ROR1: variants seen among roughly 807,000 people sequenced by gnomAD.
ROR1 encodes the protein inactive tyrosine-protein kinase transmembrane receptor ROR1.
Under a neutral mutation model 78.8 loss-of-function variants are expected in ROR1, and 19 were observed. That is an observed-to-expected ratio of 0.24 (90% CI 0.17 to 0.35). The LOEUF (loss-of-function observed/expected upper bound fraction) is 0.35. ROR1 is among the 10% of genes least tolerant of loss of function. ROR1 has a pLI of 1.00. For synonymous variants in ROR1, 386 were observed against 433.6 expected (o/e 0.89, Z 1.36); for missense variants, 917 against 1,177.8 (o/e 0.78, Z 3.24).
At chr1:64,147,278 A>C (rs557232385) in intron 7 of ROR1, among the ~76,000 whole-genome samples, 1 of 152,334 alleles carries the variant, frequency 6.6e-6, no homozygotes, top group South Asian at 2.1e-4. Context: ...AATCCTGAGG[A>C]CTGGTTAATA....
chr1:64,172,898 A>G (rs555531632), intron 8 of ROR1, among the ~76,000 whole-genome samples: 6 of 152,350 alleles, frequency 3.9e-5, no homozygotes, highest in African/African-American at 1.4e-4. Flanking sequence ...AAACAAGTTT[A>G]GCCTAAAGGG....
chr1:63,916,209 A>C (rs1645608368), intron 1 of ROR1, among the ~76,000 whole-genome samples: 1 of 152,204 alleles, frequency 6.6e-6, no homozygotes, highest in Non-Finnish European at 1.5e-5. Context: ...CTTCGCATGA[A>C]CAATAACTGC....
intron 4 of ROR1, among the ~76,000 whole-genome samples, chr1:64,126,508 G>C (rs72916947): frequency 0.021 from 3,254 of 152,194 alleles, 113 homozygotes; most frequent in African/African-American, 0.074. Flanking sequence ...GGGATATTTT[G>C]AGAGCTTACA....
intron 7 of ROR1, among the ~76,000 whole-genome samples, chr1:64,155,793 A>G (rs1569862966): frequency 6.6e-6 from 1 of 152,324 alleles, no homozygotes; most frequent in Non-Finnish European, 1.5e-5. Context: ...AAATGATTTC[A>G]CTGAAAAACC....
At chr1:64,050,843 C>T in intron 4 of ROR1, 127 bp downstream of exon 4, 2 of 894,156 alleles carry the variant, frequency 2.2e-6, no homozygotes, top group Non-Finnish European at 1.9e-6. Flanking sequence ...TTTTGCCCTG[C>T]CCTCATTCCA....
At chr1:64,120,696 C>T (rs551650200) in intron 4 of ROR1, among the ~76,000 whole-genome samples, 1 of 152,152 alleles carries the variant, frequency 6.6e-6, no homozygotes, top group Non-Finnish European at 1.5e-5. Context: ...AACACTCACT[C>T]TCCTCCACCC....
At chr1:63,811,887 C>G (rs905682573) in intron 1 of ROR1, among the ~76,000 whole-genome samples, 2 of 150,924 alleles carry the variant, frequency 1.3e-5, no homozygotes, top group Non-Finnish European at 2.9e-5. Flanking sequence ...ACTTTGGGCT[C>G]TATGTCCTTA....
At chr1:64,022,184 G>T (rs1253382132) in intron 2 of ROR1, among the ~76,000 whole-genome samples, 1 of 152,218 alleles carries the variant, frequency 6.6e-6, no homozygotes, top group Non-Finnish European at 1.5e-5. Context: ...GAAATATTCA[G>T]AAGAGGTAAA....
chr1:63,919,865 T>A (rs545696383), intron 1 of ROR1, among the ~76,000 whole-genome samples: 12 of 152,318 alleles, frequency 7.9e-5, no homozygotes, highest in Non-Finnish European at 1.8e-4. Flanking sequence ...TGCCTTCTTA[T>A]GATCTGATAG....
At chr1:63,885,849 G>C (rs1192209769) in intron 1 of ROR1, among the ~76,000 whole-genome samples, 1 of 152,150 alleles carries the variant, frequency 6.6e-6, no homozygotes, top group Non-Finnish European at 1.5e-5. Flanking sequence ...ATGAAAGGTA[G>C]TTCTTCCACA....
chr1:64,120,384 T>C (rs1648487069), intron 4 of ROR1, among the ~76,000 whole-genome samples: 1 of 152,190 alleles, frequency 6.6e-6, no homozygotes, highest in Non-Finnish European at 1.5e-5. Flanking sequence ...TTTTAAGAGC[T>C]ACATTTTAAA....
intron 1 of ROR1, among the ~76,000 whole-genome samples, chr1:63,807,845 C>T (rs538316874): frequency 7.9e-5 from 12 of 152,176 alleles, no homozygotes; most frequent in African/African-American, 2.4e-4. Context: ...TACAAAGATG[C>T]GTGGACACTT....
At chr1:63,967,638 G>A (rs1022121307) in intron 1 of ROR1, among the ~76,000 whole-genome samples, 1 of 152,234 alleles carries the variant, frequency 6.6e-6, no homozygotes, top group Non-Finnish European at 1.5e-5. Flanking sequence ...AAGATGTTCC[G>A]TTGGCACTGA....
At chr1:63,975,186 T>C (rs1026450178) in intron 1 of ROR1, among the ~76,000 whole-genome samples, 1 of 152,138 alleles carries the variant, frequency 6.6e-6, no homozygotes, top group African/African-American at 2.4e-5. Flanking sequence ...TAAAACCAAA[T>C]GGCTGGCAGA....
At chr1:64,050,207 C>T (rs1048500867) in intron 3 of ROR1, among the ~76,000 whole-genome samples, 5 of 152,182 alleles carry the variant, frequency 3.3e-5, no homozygotes, top group African/African-American at 1.2e-4. Context: ...GAATGAGGTC[C>T]GGATCTTTCT....
At chr1:63,924,848 G>T (rs1645686306) in intron 1 of ROR1, among the ~76,000 whole-genome samples, 1 of 151,744 alleles carries the variant, frequency 6.6e-6, no homozygotes. Flanking sequence ...TCTAAATCTG[G>T]AGAATGCCTG....
At chr1:63,989,168 G>C (rs285356) in intron 1 of ROR1, among the ~76,000 whole-genome samples, 8 of 142,496 alleles carry the variant, frequency 5.6e-5, no homozygotes, top group African/African-American at 8.1e-5. Context: ...TTCTGTTTTT[G>C]TTTTTTTTTT....
At chr1:63,847,613 G>A (rs1006232857) in intron 1 of ROR1, among the ~76,000 whole-genome samples, 1 of 152,124 alleles carries the variant, frequency 6.6e-6, no homozygotes, top group Admixed American at 6.5e-5. Flanking sequence ...TCTGCCCTGC[G>A]AGGCTGGGTC....
At chr1:64,068,954 A>G (rs529727504) in intron 4 of ROR1, among the ~76,000 whole-genome samples, 1 of 152,334 alleles carries the variant, frequency 6.6e-6, no homozygotes, top group African/African-American at 2.4e-5. Flanking sequence ...TCAAAATTTT[A>G]ATCAATTGAT....
Sources: gnomAD v4.1 joint callset for allele counts (sites outside exome capture counted in the v4.1 genomes callset) on GRCh38, gnomAD v4.1.1 for gene constraint, MANE v1.5 for transcripts, NCBI Gene and HGNC (gene_info 2026-07-23, HGNC 2026-07-21) for gene names.